Variants in GSKIP observed in about 807,000 individuals in gnomAD.
GSKIP encodes GSK3B-interacting protein.
Under a neutral mutation model 11.9 loss-of-function variants are expected in GSKIP, and 5 were observed. The ratio of observed to expected loss-of-function variants is 0.42; its 90% CI spans 0.22 to 0.89. The LOEUF is 0.89. GSKIP is among the 40% of genes least tolerant of loss of function. The pLI is 0.29. For missense variants in GSKIP, 150 were observed against 166.6 expected (o/e 0.90, Z 0.55); for synonymous variants, 70 against 62.9 (o/e 1.11, Z -0.54).
intron 2 of GSKIP, chr14:96,380,183 G>T (rs1487507751): frequency 6.6e-6 from 1 of 152,174 alleles, no homozygotes; most frequent in Non-Finnish European, 1.5e-5. Context: ...AACTTCTGTT[G>T]TTTGTAGCGA....
chr14:96,368,488 C>T (rs541926609), intron 1 of GSKIP, among the ~76,000 whole-genome samples: 4 of 152,162 alleles, frequency 2.6e-5, no homozygotes, highest in African/African-American at 4.8e-5. Context: ...TGCTTATTTA[C>T]AGTTTGTAAA....
chr14:96,374,517 T>TA (rs1471146305), intron 1 of GSKIP, among the ~76,000 whole-genome samples: 1 of 152,198 alleles, frequency 6.6e-6, no homozygotes, highest in Non-Finnish European at 1.5e-5. Context: ...CAAGGTGTGA[T>TA]AGTCGAGAAA....
chr14:96,366,905 A>T (rs1888901295), intron 1 of GSKIP, among the ~76,000 whole-genome samples: 1 of 152,222 alleles, frequency 6.6e-6, no homozygotes, highest in South Asian at 2.1e-4. Flanking sequence ...AATGAAAGAA[A>T]AGCCAAGGAG....
intron 3 of GSKIP, among the ~76,000 whole-genome samples, chr14:96,385,127 A>G (rs918246030): frequency 7.2e-5 from 11 of 152,182 alleles, no homozygotes; most frequent in Non-Finnish European, 1.6e-4. Flanking sequence ...TGGACCCTCA[A>G]TATATGTGGA....
At chr14:96,382,583 G>A in intron 3 of GSKIP, 78 bp downstream of exon 3, 1 of 1,071,800 alleles carries the variant, frequency 9.3e-7, no homozygotes, top group East Asian at 2.6e-5. Context: ...AGTGGGGAGG[G>A]GAAGAGTGTT....
At chr14:96,379,916 T>C (rs975088366) in intron 2 of GSKIP, 128 bp downstream of exon 2, 1 of 152,234 alleles carries the variant, frequency 6.6e-6, no homozygotes, top group East Asian at 1.9e-4. Flanking sequence ...ACTTGATAAC[T>C]TAAGCAAAAT....
Position 96,379,285 on chromosome 14 carries a change from C to T in GSKIP, c.-102-403C>T, listed in dbSNP as rs958235811. Reference sequence around the variant, plus strand: ...TGTCACTGCACTCCAGCCTGGGCAACAGAGCGAGACTCTGTCTCAAAAAAG... The same window carrying T: ...TGTCACTGCACTCCAGCCTGGGCAATAGAGCGAGACTCTGTCTCAAAAAAG... On this transcript the variant is annotated intron_variant, in intron 1 of 3. Transcript: ENST00000555181. Among the ~76,000 whole-genome samples the T allele has an allele frequency of 2.0e-5, 3 of 152,150 alleles. No individual in the cohort carries two copies. In the South Asian group the frequency reaches 6.2e-4, roughly 32 times the overall value.
At chr14:96,374,171 GAC>G (rs771656578) in intron 1 of GSKIP, among the ~76,000 whole-genome samples, 1 of 152,038 alleles carries the variant, frequency 6.6e-6, no homozygotes. Context: ...AAGATTAAAA[GAC>G]ACAAATAGAA....
At chr14:96,384,861 T>C (rs1889447036) in intron 3 of GSKIP, 1 of 151,864 alleles carries the variant, frequency 6.6e-6, no homozygotes, top group Non-Finnish European at 1.5e-5. Flanking sequence ...TCTCACAGAA[T>C]TGAGCATTTA....
At chr14:96,370,452 T>A (rs995165493) in intron 1 of GSKIP, among the ~76,000 whole-genome samples, 4 of 147,870 alleles carry the variant, frequency 2.7e-5, no homozygotes, top group Non-Finnish European at 4.5e-5. Flanking sequence ...CTATTGGAGA[T>A]GGGACGTGGT....
At chr14:96,366,770 C>T (rs1170090902) in intron 1 of GSKIP, among the ~76,000 whole-genome samples, 2 of 152,084 alleles carry the variant, frequency 1.3e-5, no homozygotes, top group Non-Finnish European at 2.9e-5. Context: ...AATTACCCAA[C>T]CGAATATTGT....
chr14:96,370,027 CTGTGCCAGGA>C (rs1889001521), intron 1 of GSKIP, among the ~76,000 whole-genome samples: 1 of 152,200 alleles, frequency 6.6e-6, no homozygotes, highest in African/African-American at 2.4e-5. Flanking sequence ...CCTCATACTG[CTGTGCCAGGA>C]TGCAGGACAT....
rs190923744 is a variant in GSKIP at position 96,372,157 on chromosome 14, A to G, written c.-102-7531A>G. On this transcript the variant is annotated intron_variant, in intron 1 of 3. Transcript: ENST00000555181. ...ACAGTGATATGTATTTTCCAAGAAT[A>G]TCTGCCATGTTTGTCCTGAGTCTTT... 5.9e-5 allele frequency among the ~76,000 whole-genome samples: 9 copies of G among 152,338 alleles called. No homozygotes were observed. In the East Asian group the frequency reaches 1.5e-3, roughly 26 times the overall value.
chr14:96,382,731 G>A (rs910385713), intron 3 of GSKIP, among the ~76,000 whole-genome samples: 4 of 152,096 alleles, frequency 2.6e-5, no homozygotes, highest in Admixed American at 6.5e-5. Context: ...TTTGCAGGGC[G>A]TGACTTTGTT....
At chr14:96,365,587 T>C (rs1162110157) in intron 1 of GSKIP, among the ~76,000 whole-genome samples, 2 of 151,764 alleles carry the variant, frequency 1.3e-5, no homozygotes, top group Non-Finnish European at 2.9e-5. Flanking sequence ...CCCAGAACTT[T>C]TGGGAGGCCG....
chr14:96,379,592 C>G (rs1889292674), intron 1 of GSKIP, 96 bp from the exon 2 acceptor site: 1 of 152,096 alleles, frequency 6.6e-6, no homozygotes, highest in Admixed American at 6.5e-5. Context: ...TTATATGTAT[C>G]ATCAAAAGTT....
chr14:96,378,779 G>C (rs1300276295), intron 1 of GSKIP, among the ~76,000 whole-genome samples: 1 of 152,148 alleles, frequency 6.6e-6, no homozygotes, highest in Non-Finnish European at 1.5e-5. Context: ...CTTTCATTAT[G>C]GGTAGACTCC....
chr14:96,381,003 T>C (rs56142558), intron 2 of GSKIP, among the ~76,000 whole-genome samples: 48,140 of 151,974 alleles, frequency 0.32, 8,133 homozygotes, highest in African/African-American at 0.42. Flanking sequence ...GAGTGAAGAG[T>C]TATGCTTCAT....
intron 1 of GSKIP, among the ~76,000 whole-genome samples, chr14:96,366,976 C>G (rs1888904203): frequency 1.3e-5 from 2 of 152,126 alleles, no homozygotes; most frequent in Non-Finnish European, 2.9e-5. Context: ...TGTCAGGGCT[C>G]CACACCTCAC....
Sources: allele counts gnomAD v4.1 joint callset (sites outside exome capture counted in the v4.1 genomes callset), GRCh38; gene constraint gnomAD v4.1.1; transcripts MANE v1.5; gene names NCBI Gene and HGNC (gene_info 2026-07-23, HGNC 2026-07-21).